The following HDAC8 variants were observed in gnomAD, a reference collection of about 807,000 sequenced individuals.
HDAC8 encodes the protein histone deacetylase 8, also known as histone deacetylase-like 1.
Under a neutral mutation model 32.2 loss-of-function variants are expected in HDAC8, and 1 was observed. The observed-to-expected ratio is 0.03, with a 90% confidence interval of 0.01 to 0.15. The LOEUF is 0.15. Among genes scored for constraint, HDAC8 ranks in the 10% least tolerant of loss-of-function variants. HDAC8 has a pLI of 1.00. For missense variants in HDAC8, 117 were observed against 300.0 expected (o/e 0.39, Z 4.51); for synonymous variants, 108 against 113.9 (o/e 0.95, Z 0.33).
At chrX:72,518,812 T>C (rs2049889234) in intron 4 of HDAC8, among the ~76,000 whole-genome samples, 1 of 112,256 alleles carries the variant, frequency 8.9e-6, no homozygotes, top group Admixed American at 9.5e-5. Context: ...GTTTTGCCTT[T>C]TCCAGAATAT....
intron 9 of HDAC8, among the ~76,000 whole-genome samples, chrX:72,446,713 A>G (rs1555985030): frequency 9.0e-6 from 1 of 111,263 alleles, no homozygotes; most frequent in Non-Finnish European, 1.9e-5. Context: ...AGAGGAAAAG[A>G]GAGGAGAATC....
chrX:72,330,752 C>A (rs1382457489), intron 10 of HDAC8: 4 of 110,801 alleles, frequency 3.6e-5, no homozygotes, highest in African/African-American at 1.3e-4. Context: ...GGGCTCCAAA[C>A]CCTACTGGCC....
intron 4 of HDAC8, among the ~76,000 whole-genome samples, chrX:72,562,274 C>G (rs2051593132): frequency 1.8e-5 from 2 of 112,183 alleles, no homozygotes; most frequent in South Asian, 7.5e-4. Context: ...AAATATGGAA[C>G]CAGCCCAAAT....
chrX:72,484,770 C>T (rs1446594319), intron 7 of HDAC8, among the ~76,000 whole-genome samples: 3 of 111,915 alleles, frequency 2.7e-5, no homozygotes, highest in Non-Finnish European at 3.8e-5. Flanking sequence ...TTATCAAAAT[C>T]TCCCTTTAAC....
chrX:72,465,666 T>C (rs1407110984), intron 7 of HDAC8, among the ~76,000 whole-genome samples: 6 of 111,961 alleles, frequency 5.4e-5, no homozygotes, highest in South Asian at 7.5e-4. Context: ...TAAATTAAGA[T>C]ACATCAGAGT....
At chrX:72,458,152 T>C (rs1385809046) in intron 9 of HDAC8, among the ~76,000 whole-genome samples, 1 of 112,342 alleles carries the variant, frequency 8.9e-6, no homozygotes, top group Non-Finnish European at 1.9e-5. Flanking sequence ...ATGACACCTT[T>C]GGGCTTTCCC....
intron 4 of HDAC8, among the ~76,000 whole-genome samples, chrX:72,540,519 G>GTT (rs1175080373): frequency 9.7e-6 from 1 of 103,468 alleles, no homozygotes. Flanking sequence ...CCCTCTAGTG[G>GTT]TTTTTTTTTT....
chrX:72,453,763 G>A (rs1458926401), intron 9 of HDAC8, among the ~76,000 whole-genome samples: 2 of 111,801 alleles, frequency 1.8e-5, no homozygotes, highest in African/African-American at 6.5e-5. Context: ...TCCAGCTGCC[G>A]AAAACTAGTT....
At chrX:72,452,790 A>T (rs2047605295) in intron 9 of HDAC8, among the ~76,000 whole-genome samples, 1 of 112,004 alleles carries the variant, frequency 8.9e-6, no homozygotes, top group East Asian at 2.8e-4. Flanking sequence ...CCAATAAAAA[A>T]TTACTAAACA....
chrX:72,493,259 G>A (rs1456244585), intron 5 of HDAC8, among the ~76,000 whole-genome samples: 1 of 111,649 alleles, frequency 9.0e-6, no homozygotes, highest in East Asian at 2.8e-4. Flanking sequence ...AGCCTGGACA[G>A]CAAGTAATGA....
Position 72,329,923 on chromosome X carries a change from G to A in HDAC8, c.*131C>T, listed in dbSNP as rs2043470538. 2 of 861,212 alleles carry A rather than the reference G, an allele frequency of 2.3e-6. No homozygotes were observed. The highest frequency in any genetic ancestry group is 5.2e-5 in the Admixed American group (2 of 38,565). The allele number at this position is 861,212 out of a possible 1,213,427, so 71.0% of individuals were successfully genotyped here. A position where few individuals can be genotyped will look rare whatever the true frequency, so the allele number is the denominator to read the frequency against. On this transcript the variant is annotated 3_prime_UTR_variant, in exon 11 of 11. Coordinates refer to ENST00000373573, the MANE Select transcript of HDAC8 (RefSeq NM_018486.3). ...GCCAGCTGCCACTTGATGCCCCTTG[G>A]AAATTTTCAGGAAGTAATTTCTTTC...
chrX:72,416,751 TTA>T (rs200094073), intron 9 of HDAC8, among the ~76,000 whole-genome samples: 3,674 of 108,941 alleles, frequency 0.034, 146 homozygotes, highest in African/African-American at 0.12. Flanking sequence ...TTTTAATTGT[TTA>T]GTGTATTTTA....
At chrX:72,385,182 G>C (rs980954549) in intron 9 of HDAC8, among the ~76,000 whole-genome samples, 5 of 111,835 alleles carry the variant, frequency 4.5e-5, no homozygotes, top group African/African-American at 6.5e-5. Flanking sequence ...ACTTGGAAAA[G>C]GCTGGGTGCA....
intron 4 of HDAC8, among the ~76,000 whole-genome samples, chrX:72,512,653 T>C (rs1412063146): frequency 9.0e-6 from 1 of 110,857 alleles, no homozygotes; most frequent in African/African-American, 3.3e-5. Context: ...CCCAGAGCAC[T>C]TAAGGAGTTG....
At chrX:72,462,313 C>T (rs2047890565) in intron 8 of HDAC8, 1 of 340,078 alleles carries the variant, frequency 2.9e-6, no homozygotes, top group Non-Finnish European at 5.2e-6. Flanking sequence ...CTGGGCAGTC[C>T]AAGGTCTGCA....
chrX:72,568,247 T>G (rs2147592734), intron 3 of HDAC8, among the ~76,000 whole-genome samples: 1 of 111,963 alleles, frequency 8.9e-6, no homozygotes, highest in African/African-American at 3.2e-5. Context: ...AGGCTACAGA[T>G]AGAGAAACCA....
chrX:72,398,762 CTTTCTTTTTTTTT>C (rs2045828095), intron 9 of HDAC8, among the ~76,000 whole-genome samples: 1 of 104,212 alleles, frequency 9.6e-6, no homozygotes, highest in Non-Finnish European at 2.0e-5. Flanking sequence ...TCTTTTTTTT[CTTTCTTTTTTTTT>C]GTGAACAGAG....
chrX:72,563,015 G>A (rs2051637368), intron 4 of HDAC8, among the ~76,000 whole-genome samples: 1 of 108,461 alleles, frequency 9.2e-6, no homozygotes, highest in South Asian at 4.1e-4. Context: ...CCGAGTAGCT[G>A]GGATTACAGG....
intron 10 of HDAC8, chrX:72,331,014 G>A (rs1195881198): frequency 2.1e-5 from 2 of 96,945 alleles, no homozygotes; most frequent in African/African-American, 3.9e-5. Context: ...GTACAATGGC[G>A]CGGTCTCGGC....
Sources: gnomAD v4.1 joint callset for allele counts (sites outside exome capture counted in the v4.1 genomes callset) on GRCh38, gnomAD v4.1.1 for gene constraint, MANE v1.5 for transcripts, NCBI Gene and HGNC (gene_info 2026-07-23, HGNC 2026-07-21) for gene names.